KERA: variants seen among roughly 807,000 people sequenced by gnomAD.
The protein encoded by KERA is keratocan.
KERA carries 25 observed loss-of-function variants against 26.4 expected under a neutral mutation model. That is an observed-to-expected ratio of 0.95 (90% confidence interval 0.69 to 1.32). KERA has a LOEUF of 1.32. Ranked by LOEUF, KERA falls within the 40% of genes most tolerant of loss-of-function variation. KERA has a pLI of 0.00. For missense variants in KERA, 434 were observed against 408.9 expected, an observed-to-expected ratio of 1.06 and a Z score of -0.53; for synonymous variants, 167 against 146.1, an observed-to-expected ratio of 1.14 and a Z score of -1.03.
intron 2 of KERA, 59 bp downstream of exon 2, chr12:91,055,337 A>G (rs1038082121): frequency 1.4e-6 from 2 of 1,436,042 alleles, no homozygotes; most frequent in Middle Eastern, 1.8e-4. Context: ...AATGAAAATA[A>G]AGATACATTT....
At position 91,051,902 on chromosome 12, in the gene KERA, T is replaced by C. The variant is rs186603231; in HGVS notation, c.887-384A>G. Reference sequence around the variant, plus strand: ...CAGAGGTGGAGACAACAGTTCAGATTTGGGACTGAAAGAATGGGTAAGTAC... The same window carrying C: ...CAGAGGTGGAGACAACAGTTCAGATCTGGGACTGAAAGAATGGGTAAGTAC... On this transcript the variant is annotated intron_variant, in intron 2 of 2. Coordinates refer to ENST00000266719, the MANE Select transcript of KERA (RefSeq NM_007035.4). Among the ~76,000 whole-genome samples the C allele has an allele frequency of 1.4e-4, 21 of 151,484 alleles. No individual in the cohort carries two copies. The East Asian group carries it at 3.5e-3, about 25-fold the overall frequency.
rs992101506 is a variant in KERA at position 91,055,483 on chromosome 12, G to A, written c.799C>T (p.Leu267Phe). 1 of 1,610,126 alleles carries A rather than the reference G, an allele frequency of 6.2e-7. No individual in the cohort carries two copies. Among genetic ancestry groups the A allele is most frequent in the Non-Finnish European group, 8.5e-7 (1 of 1,177,570 alleles). Residue 267 changes from leucine to phenylalanine, a missense_variant, in exon 2 of 3, where the codon CTT (leucine) becomes TTT (phenylalanine). Transcript: ENST00000266719. ...RGFDVSSILD[L>F]QLSHNQLTKV... is the part of the protein sequence containing the mutation. ...GTGAGTTGATTGTGCGACAGTTGAA[G>A]ATCTAGAATTGATGATACATCAAAT...
chr12:91,056,251 C>A lies in KERA; in HGVS notation c.31G>T (p.Val11Leu), dbSNP rs755201083. 7 of 1,609,100 alleles carry A rather than the reference C, an allele frequency of 4.4e-6. No individual in the cohort carries two copies. Among genetic ancestry groups the A allele is most frequent in the African/African-American group, 4.0e-5 (3 of 74,526 alleles). Residue 11 changes from valine (V) to leucine (L), a missense_variant, in exon 2 of 3, where the codon GTG becomes TTG. Physicochemically the swap from Val to Leu is conservative, Grantham distance 32. Coordinates refer to ENST00000266719, the MANE Select transcript of KERA (RefSeq NM_007035.4). Reference protein sequence around the residue: MAGTICFIMWVLFITDTVWSR... With the variant: MAGTICFIMWLLFITDTVWSR... ...CACACAGTGTCTGTTATGAATAACA[C>A]CCACATGATGAAACAGATTGTGCCT...
intron 2 of KERA, among the ~76,000 whole-genome samples, chr12:91,053,486 C>G (rs979022960): frequency 7.9e-5 from 12 of 151,252 alleles, no homozygotes; most frequent in African/African-American, 2.7e-4. Flanking sequence ...TAATATCACA[C>G]AAGTTTCTCG....
intron 2 of KERA, among the ~76,000 whole-genome samples, chr12:91,051,918 G>C (rs548385138): frequency 6.6e-6 from 1 of 151,604 alleles, no homozygotes; most frequent in Non-Finnish European, 1.5e-5. Flanking sequence ...CTGAAAGAAT[G>C]GGTAAGTACA....
intron 2 of KERA, 81 bp downstream of exon 2, chr12:91,055,315 T>C: frequency 3.2e-6 from 4 of 1,267,388 alleles, no homozygotes; most frequent in Non-Finnish European, 4.6e-6. Flanking sequence ...GGGCAACACA[T>C]TTGCTCTTCT....
In KERA at chr12:91,055,734, A is replaced by G. The variant is rs1304210038; in HGVS notation, c.548T>C (p.Phe183Ser). The G allele has an allele frequency of 3.1e-6, 5 of 1,611,436 alleles. No individual in the cohort carries two copies. Among genetic ancestry groups the G allele is most frequent in the Admixed American group, 1.7e-5 (1 of 59,744 alleles). ...LQNNKLVDNA[F>S]QRDTFKGLKN... ...GAGTCCTTTAAAAGTGTCTCTTTGA[A>G]AGGCATTGTCCACTAATTTGTTGTT... The change falls in exon 2 of 3, where the codon TTT (phenylalanine) becomes TCT (serine). Residue 183 changes from phenylalanine to serine, a missense_variant. Phe to Ser is a radical substitution (Grantham distance 155). Transcript: ENST00000266719.
At chr12:91,055,227 A>G (rs560621474) in intron 2 of KERA, among the ~76,000 whole-genome samples, 169 bp downstream of exon 2, 2 of 151,250 alleles carry the variant, frequency 1.3e-5, no homozygotes, top group East Asian at 3.9e-4. Context: ...GTTCATTAAG[A>G]CTGTCTGCGT....
intron 1 of KERA, among the ~76,000 whole-genome samples, chr12:91,057,306 A>G (rs1879033268): frequency 1.3e-5 from 2 of 149,262 alleles, no homozygotes; most frequent in African/African-American, 4.9e-5. Context: ...TGGTACAAAT[A>G]ATTATTTTAA....
chr12:91,054,157 T>A (rs1878932405), intron 2 of KERA, among the ~76,000 whole-genome samples: 1 of 151,274 alleles, frequency 6.6e-6, no homozygotes, highest in African/African-American at 2.4e-5. Flanking sequence ...GATTGTAGAC[T>A]CAAGTACACT....
intron 2 of KERA, among the ~76,000 whole-genome samples, chr12:91,055,126 A>G (rs1405383275): frequency 2.0e-5 from 3 of 151,214 alleles, no homozygotes; most frequent in African/African-American, 4.8e-5. Flanking sequence ...AAAAGAAGAT[A>G]GAGGCATTCA....
intron 2 of KERA, among the ~76,000 whole-genome samples, chr12:91,053,105 A>G (rs1878905697): frequency 6.6e-6 from 1 of 151,360 alleles, no homozygotes; most frequent in Non-Finnish European, 1.5e-5. Context: ...CTTAGAGACC[A>G]CTTTGTTACA....
intron 1 of KERA, among the ~76,000 whole-genome samples, chr12:91,056,877 G>T (rs1879019849): frequency 6.6e-6 from 1 of 151,008 alleles, no homozygotes. Flanking sequence ...AACCTCTCAA[G>T]TAAGTTTTTT....
chr12:91,052,811 C>T (rs906466696), intron 2 of KERA, among the ~76,000 whole-genome samples: 1 of 151,380 alleles, frequency 6.6e-6, no homozygotes, highest in Admixed American at 6.6e-5. Flanking sequence ...GAATATGTCC[C>T]TTTCGATGTG....
rs552346264 is a variant in KERA at position 91,051,100 on chromosome 12, C to A, written c.*246G>T. ...ATGGAAGAGACCAAAATAAAACTAT[C>A]TTTGAGTTGATAAACTATCTTAACT... On this transcript the variant is annotated 3_prime_UTR_variant, in exon 3 of 3. Coordinates refer to ENST00000266719, the MANE Select transcript of KERA (RefSeq NM_007035.4). The A allele has an allele frequency of 4.4e-6, 2 of 453,624 alleles. No homozygotes were observed. Among genetic ancestry groups the A allele is most frequent in the South Asian group, 4.6e-5 (2 of 43,072 alleles). 28.1% of individuals were successfully genotyped at this position (453,624 alleles called of 1,614,324 possible).
chr12:91,054,810 C>T (rs1592647510), intron 2 of KERA, among the ~76,000 whole-genome samples: 2 of 151,126 alleles, frequency 1.3e-5, no homozygotes, highest in African/African-American at 4.8e-5. Context: ...ATCAACTGGA[C>T]GGCTGTTAGA....
In KERA at chr12:91,055,475, C is replaced by T. The variant is rs886820698; in HGVS notation, c.807G>A (p.Leu269=). 3.1e-6 allele frequency: 5 copies of T among 1,609,998 alleles called. No homozygotes were observed. In the African/African-American group the frequency reaches 4.0e-5, roughly 13 times the overall value. The stretch of plus-strand genomic sequence containing the variant: ...GAACCTTTGTGAGTTGATTGTGCGA[C>T]AGTTGAAGATCTAGAATTGATGATA... ...FDVSSILDLQ[L]SHNQLTKVPR... The change falls in exon 2 of 3, where the codon CTG becomes CTA. Residue 269 remains leucine (L), a synonymous_variant. Coordinates refer to ENST00000266719, the MANE Select transcript of KERA (RefSeq NM_007035.4).
rs142473139 is a variant in KERA, at chr12:91,055,775, G to T, written c.507C>A (p.Thr169=). 1 of 1,611,280 alleles carries T rather than the reference G, an allele frequency of 6.2e-7. No individual in the cohort carries two copies. The highest frequency in any genetic ancestry group is 1.3e-5 in the African/African-American group (1 of 74,608). The change falls in exon 2 of 3, where the codon ACC becomes ACA. Residue 169 remains threonine (T), a synonymous_variant. Transcript: ENST00000266719. ...QGTFSNLENL[T]LLDLQNNKLV... ...ATTTGTTGTTCTGTAGGTCAAGAAGGGTCAGGTTCTCCAGATTGCTAAAGG... is the reference window on the plus strand; with the variant it reads ...ATTTGTTGTTCTGTAGGTCAAGAAGTGTCAGGTTCTCCAGATTGCTAAAGG...
At chr12:91,056,673 G>A (rs1879012729) in intron 1 of KERA, among the ~76,000 whole-genome samples, 1 of 151,210 alleles carries the variant, frequency 6.6e-6, no homozygotes, top group South Asian at 2.1e-4. Context: ...CTGGGAATCT[G>A]TGTTGTTCCT....
Sources: gnomAD v4.1 joint callset for allele counts (sites outside exome capture counted in the v4.1 genomes callset) on GRCh38, gnomAD v4.1.1 for gene constraint, MANE v1.5 for transcripts, NCBI Gene and HGNC (gene_info 2026-07-23, HGNC 2026-07-21) for gene names.